Variants in PUM1 observed in about 807,000 individuals in gnomAD.
PUM1 encodes the protein pumilio RNA binding family member 1, also known as pumilio homolog 1.
Under a neutral mutation model 131.8 loss-of-function variants are expected in PUM1, and 13 were observed. The ratio of observed to expected loss-of-function variants is 0.10; its 90% CI spans 0.06 to 0.16. PUM1 has a LOEUF of 0.16. PUM1 is among the 10% of genes least tolerant of loss of function. PUM1 has a pLI of 1.00. For synonymous variants in PUM1, 509 were observed against 556.5 expected, an observed-to-expected ratio of 0.91 and a Z score of 1.20; for missense variants, 961 against 1,512.4, an observed-to-expected ratio of 0.64 and a Z score of 6.05.
At chr1:31,053,068 A>G (rs1644151080) in intron 2 of PUM1, among the ~76,000 whole-genome samples, 2 of 148,624 alleles carry the variant, frequency 1.3e-5, no homozygotes. Flanking sequence ...GCTGGAATGC[A>G]GTGGCGGGAT....
chr1:30,962,693 T>C (rs1172053282), intron 14 of PUM1, among the ~76,000 whole-genome samples: 3 of 152,220 alleles, frequency 2.0e-5, no homozygotes, highest in African/African-American at 7.2e-5. Flanking sequence ...ATTACAGATG[T>C]GAGCCATCAT....
At chr1:31,020,927 G>C (rs1330783758) in intron 3 of PUM1, among the ~76,000 whole-genome samples, 1 of 152,138 alleles carries the variant, frequency 6.6e-6, no homozygotes, top group African/African-American at 2.4e-5. Context: ...CAGTAACCAA[G>C]AAGGAATTAC....
In PUM1 at chr1:30,981,400, G is replaced by C. The variant is rs1641351661; in HGVS notation, c.1164C>G (p.Phe388Leu). 6.3e-7 allele frequency: 1 copy of C among 1,593,816 alleles called. No individual in the cohort carries two copies. The highest frequency in any genetic ancestry group is 1.7e-4 in the Middle Eastern group (1 of 6,032). ...GGACAGCAAGCGCATTAGGTCTTTG[G>C]AACAGCTGAGGCAAGAGGAAAAACA... ...LFDYNSQQQL[F>L]QRPNALAVQQ... Residue 388 changes from phenylalanine to leucine, a missense_variant, in exon 8 of 22, where the codon TTC becomes TTG. Around this residue, in one of 4 missense-constraint regions of PUM1, gnomAD observed 654 missense variants for 923.9 expected, o/e 0.71. Coordinates refer to ENST00000426105, the MANE Select transcript of PUM1 (RefSeq NM_001020658.2).
intron 21 of PUM1, among the ~76,000 whole-genome samples, chr1:30,934,350 C>T (rs1570064798): frequency 1.3e-5 from 2 of 152,328 alleles, no homozygotes; most frequent in South Asian, 4.1e-4. Flanking sequence ...CACCTGCATA[C>T]ATAAACGCAC....
Position 30,967,157 on chromosome 1 carries a change from G to A in PUM1, c.1789+10C>T, listed in dbSNP as rs970522677. ...ATCTCTGGCAGGAGTCCACTCAGAT[G>A]TGCGCTCACCTGCTTGTGCAGCTGA... On this transcript the variant is annotated intron_variant, in intron 12 of 21. Coordinates refer to ENST00000426105, the MANE Select transcript of PUM1 (RefSeq NM_001020658.2). 4 of 1,613,256 alleles carry A rather than the reference G, an allele frequency of 2.5e-6. No individual in the cohort carries two copies. Among genetic ancestry groups the A allele is most frequent in the Non-Finnish European group, 3.4e-6 (4 of 1,179,324 alleles).
intron 17 of PUM1, chr1:30,949,355 G>C (rs1570107638): frequency 3.1e-6 from 1 of 325,964 alleles, no homozygotes; most frequent in Non-Finnish European, 6.0e-6. Context: ...TTGCCTCCTG[G>C]GCCCTGTGGT....
chr1:30,966,185 GGCT>G lies in PUM1; in HGVS notation c.1880_1882del (p.Gln627del). 1 of 1,614,074 alleles carries G rather than the reference GGCT, an allele frequency of 6.2e-7. No homozygotes were observed. Among genetic ancestry groups the G allele is most frequent in the Non-Finnish European group, 8.5e-7 (1 of 1,180,014 alleles). ...GGGCTGCTGCTGGGGCTGGGGCTGA[GGCT>G]GCTGTGTTCCTAAAGGGCGAAATGG... On this transcript the variant is annotated inframe_deletion, in exon 13 of 22. Coordinates refer to ENST00000426105, the MANE Select transcript of PUM1 (RefSeq NM_001020658.2).
At chr1:31,011,867 G>A (rs1325917550) in intron 3 of PUM1, among the ~76,000 whole-genome samples, 2 of 152,140 alleles carry the variant, frequency 1.3e-5, no homozygotes, top group Non-Finnish European at 2.9e-5. Flanking sequence ...AGCAGTAAGA[G>A]GATTAAATGA....
chr1:31,049,609 G>A (rs181027105), intron 2 of PUM1, among the ~76,000 whole-genome samples: 1 of 152,012 alleles, frequency 6.6e-6, no homozygotes, highest in South Asian at 2.1e-4. Context: ...GAACCCAGGA[G>A]GAAGAGGTTG....
intron 5 of PUM1, among the ~76,000 whole-genome samples, chr1:31,004,826 TAAAG>T (rs1247671982): frequency 6.6e-6 from 1 of 152,232 alleles, no homozygotes; most frequent in African/African-American, 2.4e-5. Context: ...CAAATGCTAT[TAAAG>T]AAAGACAGTT....
At chr1:30,940,460 A>C (rs187277751) in intron 20 of PUM1, among the ~76,000 whole-genome samples, 97 of 152,376 alleles carry the variant, frequency 6.4e-4, no homozygotes, top group African/African-American at 2.2e-3. Context: ...TGGGCGACAG[A>C]GCGTGACCCT....
At chr1:30,981,038 A>C (rs2124468881) in intron 8 of PUM1, among the ~76,000 whole-genome samples, 1 of 152,354 alleles carries the variant, frequency 6.6e-6, no homozygotes, top group South Asian at 2.1e-4. Flanking sequence ...AATGGTAGTC[A>C]CCAGTCATTA....
At chr1:31,037,888 T>G (rs1399639322) in intron 2 of PUM1, among the ~76,000 whole-genome samples, 1 of 151,218 alleles carries the variant, frequency 6.6e-6, no homozygotes, top group African/African-American at 2.4e-5. Context: ...CCATCCTGGC[T>G]AACACGGTGA....
intron 20 of PUM1, among the ~76,000 whole-genome samples, chr1:30,940,020 A>G (rs1264337563): frequency 1.3e-5 from 2 of 152,202 alleles, no homozygotes; most frequent in Non-Finnish European, 2.9e-5. Context: ...CCCATTCCTC[A>G]GTCCTGGCAA....
intron 3 of PUM1, among the ~76,000 whole-genome samples, chr1:31,027,673 G>A (rs1157631138): frequency 1.3e-5 from 2 of 152,162 alleles, no homozygotes; most frequent in Non-Finnish European, 2.9e-5. Flanking sequence ...AGAAAGCAAG[G>A]ATCTCAGTTT....
At chr1:31,056,843 A>T (rs1644252771) in intron 2 of PUM1, among the ~76,000 whole-genome samples, 1 of 151,666 alleles carries the variant, frequency 6.6e-6, no homozygotes, top group South Asian at 2.1e-4. Flanking sequence ...CCTAGGCTGG[A>T]GTGCAATGGC....
intron 3 of PUM1, among the ~76,000 whole-genome samples, chr1:31,022,018 T>C (rs185753442): frequency 8.2e-4 from 124 of 151,486 alleles, no homozygotes; most frequent in Admixed American, 2.8e-3. Flanking sequence ...GTGATTAGCA[T>C]AGTTCTGGGA....
intron 5 of PUM1, among the ~76,000 whole-genome samples, chr1:31,005,406 T>C (rs2124508099): frequency 1.3e-5 from 2 of 152,298 alleles, no homozygotes; most frequent in Middle Eastern, 6.8e-3. Flanking sequence ...AAAACAAGAA[T>C]AGCCCTATAA....
intron 3 of PUM1, among the ~76,000 whole-genome samples, chr1:31,011,271 G>A (rs1642609656): frequency 6.6e-6 from 1 of 152,002 alleles, no homozygotes; most frequent in African/African-American, 2.4e-5. Flanking sequence ...TTGTGAATAT[G>A]TGGAAGTATT....
Sources: allele counts gnomAD v4.1 joint callset (sites outside exome capture counted in the v4.1 genomes callset), GRCh38; gene constraint gnomAD v4.1.1; regional missense constraint gnomAD v4.1.1; transcripts MANE v1.5; gene names NCBI Gene and HGNC (gene_info 2026-07-23, HGNC 2026-07-21).